Variants in SMG1 observed in about 807,000 individuals in gnomAD.
SMG1 encodes serine/threonine-protein kinase SMG1.
A neutral mutation model predicts 419.9 loss-of-function variants in SMG1; 22 were observed. That is an observed-to-expected ratio of 0.05 (90% CI 0.04 to 0.07). SMG1 has a LOEUF of 0.07. SMG1 is among the 10% of genes least tolerant of loss of function. The pLI is 1.00. For missense variants in SMG1, 3,185 were observed against 4,342.0 expected, an observed-to-expected ratio of 0.73 and a Z score of 7.49; for synonymous variants, 1,538 against 1,553.5, an observed-to-expected ratio of 0.99 and a Z score of 0.23.
In SMG1 at chr16:18,876,203, A is replaced by C. The variant is rs1461820338; in HGVS notation, c.1811T>G (p.Val604Gly). 1 of 1,611,676 alleles carries C rather than the reference A, an allele frequency of 6.2e-7. No homozygotes were observed. Among genetic ancestry groups the C allele is most frequent in the Non-Finnish European group, 8.5e-7 (1 of 1,179,692 alleles). ...TATAACTACAAATTTTGCATTGTCTACATTGAACACATGATTCTTAAAAGC... is the reference window on the plus strand; with the variant it reads ...TATAACTACAAATTTTGCATTGTCTCCATTGAACACATGATTCTTAAAAGC... ...HEAFKNHVFN[V>G]DNAKFVVIFD... Residue 604 changes from valine to glycine, a missense_variant, in exon 13 of 63, where the codon GTA becomes GGA. Transcript: ENST00000446231.
intron 35 of SMG1, 89 bp from the exon 36 acceptor site, chr16:18,849,467 G>T: frequency 8.0e-7 from 1 of 1,243,166 alleles, no homozygotes; most frequent in Non-Finnish European, 1.1e-6. Flanking sequence ...GATAAAACGT[G>T]ATGTGTGTCG....
intron 57 of SMG1, among the ~76,000 whole-genome samples, chr16:18,816,896 G>A (rs1360307714): frequency 1.3e-5 from 2 of 151,990 alleles, no homozygotes; most frequent in Admixed American, 6.6e-5. Context: ...AAATATAAAC[G>A]TCAAACTTAC....
intron 22 of SMG1, among the ~76,000 whole-genome samples, chr16:18,867,787 C>A (rs902035391): frequency 1.4e-5 from 2 of 144,606 alleles, no homozygotes; most frequent in Admixed American, 7.1e-5. Flanking sequence ...CGGTTCACTG[C>A]AAGCTCCGCC....
chr16:18,832,761 T>C (rs2033288723), intron 51 of SMG1, among the ~76,000 whole-genome samples, 179 bp downstream of exon 51: 1 of 152,020 alleles, frequency 6.6e-6, no homozygotes, highest in Non-Finnish European at 1.5e-5. Context: ...AAGCAACTTC[T>C]CGTGATGTAT....
intron 5 of SMG1, among the ~76,000 whole-genome samples, chr16:18,890,544 G>A (rs1245926346): frequency 1.3e-5 from 2 of 152,178 alleles, no homozygotes; most frequent in African/African-American, 4.8e-5. Flanking sequence ...CAGCTACTTG[G>A]GAGGCTGAGG....
At position 18,815,660 on chromosome 16, in the gene SMG1, G is replaced by C; in HGVS notation, c.10303-9C>G. 1 of 1,606,782 alleles carries C rather than the reference G, an allele frequency of 6.2e-7. No individual in the cohort carries two copies. The highest frequency in any genetic ancestry group is 8.5e-7 in the Non-Finnish European group (1 of 1,175,106). On this transcript the variant is annotated splice_polypyrimidine_tract_variant and intron_variant, in intron 58 of 62. Coordinates refer to ENST00000446231, the MANE Select transcript of SMG1 (RefSeq NM_015092.5). ...AGAGCAGCTTCTTCATCCTAGAATT[G>C]ATAAATTAATGATTAAGAAAAATAG...
At chr16:18,849,154 C>A in intron 36 of SMG1, 63 bp downstream of exon 36, 1 of 1,085,730 alleles carries the variant, frequency 9.2e-7, no homozygotes, top group Non-Finnish European at 1.2e-6. Context: ...AAAACTTTGA[C>A]CTCACTAAAA....
intron 28 of SMG1, 92 bp from the exon 29 acceptor site, chr16:18,858,382 T>C (rs1242365097): frequency 2.1e-5 from 25 of 1,170,140 alleles, no homozygotes; most frequent in South Asian, 3.5e-5. Flanking sequence ...GACTGCAATA[T>C]AGTTTGGCTA....
rs963477202 is a variant in SMG1 at position 18,809,368 on chromosome 16, G to A, written c.*201C>T. 1 of 554,094 alleles carries A rather than the reference G, an allele frequency of 1.8e-6. No homozygotes were observed. Among genetic ancestry groups the A allele is most frequent in the African/African-American group, 1.9e-5 (1 of 52,708 alleles). 34.3% of individuals were successfully genotyped at this position (554,094 alleles called of 1,614,324 possible). Reference sequence around the variant, plus strand: ...CTTCACCCTTGACCCTGGGGTTGCAGGCCATGGTGTTGGGCGTATCCCTGA... The same window carrying A: ...CTTCACCCTTGACCCTGGGGTTGCAAGCCATGGTGTTGGGCGTATCCCTGA... On this transcript the variant is annotated 3_prime_UTR_variant, in exon 63 of 63. Coordinates refer to ENST00000446231, the MANE Select transcript of SMG1 (RefSeq NM_015092.5).
chr16:18,820,460 T>TC lies in SMG1; in HGVS notation c.9742-807dup, dbSNP rs539928855. ...CTCAAGCAATCCACCCACCTCGGCC[T>TC]CCCAAAGTGCTGGGATTATAGGCAT... On this transcript the variant is annotated intron_variant, in intron 55 of 62. Transcript: ENST00000446231. Among the ~76,000 whole-genome samples, 156 of 152,332 alleles carry TC rather than the reference T, an allele frequency of 1.0e-3. 1 individual carries two copies. Among genetic ancestry groups the TC allele is most frequent in the African/African-American group, 3.7e-3 (152 of 41,588 alleles).
intron 3 of SMG1, among the ~76,000 whole-genome samples, chr16:18,892,913 G>A (rs11648494): frequency 0.31 from 46,874 of 152,018 alleles, 7,968 homozygotes; most frequent in Non-Finnish European, 0.39. Flanking sequence ...TAGGCCAACC[G>A]AACACCTCAA....
rs1362009374 is a variant in SMG1 at position 18,841,568 on chromosome 16, T to A, written c.6693A>T (p.Gln2231His). 6.2e-7 allele frequency: 1 copy of A among 1,611,790 alleles called. No individual in the cohort carries two copies. The highest frequency in any genetic ancestry group is 8.5e-7 in the Non-Finnish European group (1 of 1,178,930). ...WQQREAALQA[Q>H]KAQDSYQTPQ... ...CTGTGTAGATGATTTAATCAACCTT[T>A]TGTGCTTGTAAGGCAGCTTCCCGTT... is the stretch of plus-strand genomic sequence containing the variant. Residue 2231 changes from glutamine to histidine, a missense_variant, in exon 41 of 63, where the codon CAA becomes CAT. Gln to His is a conservative substitution (Grantham distance 24). This residue lies in a region of SMG1 where 132 missense variants were observed against 151.0 expected (regional missense o/e 0.87). Coordinates refer to ENST00000446231, the MANE Select transcript of SMG1 (RefSeq NM_015092.5).
In SMG1 at chr16:18,907,845, CAAAAAAAAAA is replaced by C. The variant is rs71141092; in HGVS notation, c.93-10899_93-10890del. On this transcript the variant is annotated intron_variant, in intron 1 of 62. Coordinates refer to ENST00000446231, the MANE Select transcript of SMG1 (RefSeq NM_015092.5). Reference sequence around the variant, plus strand: ...CCCACCTAGGCGACAGAACGAGACTCAAAAAAAAAAAAAAAAAAAAAAAAGAGACCCTACT... The same window carrying C: ...CCCACCTAGGCGACAGAACGAGACTCAAAAAAAAAAAAAAGAGACCCTACT... Among the ~76,000 whole-genome samples, 312 of 54,978 alleles carry C rather than the reference CAAAAAAAAAA, an allele frequency of 5.7e-3. 3 individuals are homozygous for C. The highest frequency in any genetic ancestry group is 0.019 in the African/African-American group (295 of 15,192). 36.1% of individuals were successfully genotyped at this position (54,978 alleles called of 152,430 possible).
Position 18,811,879 on chromosome 16 carries a change from C to T in SMG1, c.10802-12G>A. 2 of 1,613,342 alleles carry T rather than the reference C, an allele frequency of 1.2e-6. No individual in the cohort carries two copies. Among genetic ancestry groups the T allele is most frequent in the Non-Finnish European group, 1.7e-6 (2 of 1,179,708 alleles). On this transcript the variant is annotated splice_polypyrimidine_tract_variant and intron_variant, in intron 61 of 62. Transcript: ENST00000446231. ...TCTCTCTTGCACCGCTATGAAGCAA[C>T]AAAAACATACGTAAGTCAAACCGTC...
chr16:18,891,053 C>T, intron 4 of SMG1, 132 bp from the exon 5 acceptor site: 1 of 635,642 alleles, frequency 1.6e-6, no homozygotes. Flanking sequence ...TATTCCCACT[C>T]CCCAATGAGC....
intron 1 of SMG1, among the ~76,000 whole-genome samples, chr16:18,907,845 C>CA (rs71141092): frequency 0.041 from 2,272 of 54,750 alleles, 191 homozygotes; most frequent in East Asian, 0.19. Flanking sequence ...GAACGAGACT[C>CA]AAAAAAAAAA....
In SMG1 at chr16:18,926,182, G is replaced by GGAGGAGGAGGAA; in HGVS notation, c.-142_-141insTTCCTCCTCCTC. ...AGGAGGAGGAGGAGGAGGAGGAGGA[G>GGAGGAGGAGGAA]AAGGAGGAGGCGGCGGAGGGCGGGG... On this transcript the variant is annotated 5_prime_UTR_variant, in exon 1 of 63. Transcript: ENST00000446231. The GGAGGAGGAGGAA allele has an allele frequency of 1.4e-6, 1 of 719,902 alleles. No homozygotes were observed. The highest frequency in any genetic ancestry group is 2.2e-6 in the Non-Finnish European group (1 of 462,692). The allele number at this position is 719,902 out of a possible 1,614,324, so 44.6% of individuals were successfully genotyped here. A position where few individuals can be genotyped will look rare whatever the true frequency, so the allele number is the denominator to read the frequency against.
intron 39 of SMG1, among the ~76,000 whole-genome samples, 164 bp downstream of exon 39, chr16:18,845,265 A>C (rs189853681): frequency 6.6e-6 from 1 of 152,172 alleles, no homozygotes; most frequent in Non-Finnish European, 1.5e-5. Flanking sequence ...TCTTAAACAG[A>C]AACACTTTTT....
At chr16:18,918,876 T>G (rs147123858) in intron 1 of SMG1, among the ~76,000 whole-genome samples, 14,405 of 151,726 alleles carry the variant, frequency 0.095, 739 homozygotes, top group Middle Eastern at 0.18. Context: ...CCAGCCTAAG[T>G]GACAGAGCAA....
Sources: allele counts gnomAD v4.1 joint callset (sites outside exome capture counted in the v4.1 genomes callset), GRCh38; gene constraint gnomAD v4.1.1; regional missense constraint gnomAD v4.1.1; transcripts MANE v1.5; gene names NCBI Gene and HGNC (gene_info 2026-07-23, HGNC 2026-07-21).